Variants in ITPR2 observed in about 807,000 individuals in gnomAD.
The protein encoded by ITPR2 is inositol 1,4,5-trisphosphate-gated calcium channel ITPR2.
Under a neutral mutation model 317.1 loss-of-function variants are expected in ITPR2, and 207 were observed. The ratio of observed to expected loss-of-function variants is 0.65; its 90% CI spans 0.58 to 0.73. The LOEUF (loss-of-function observed/expected upper bound fraction) is 0.73. ITPR2 is among the 30% of genes least tolerant of loss of function. The probability of loss-of-function intolerance (pLI) is 0.00; values close to 1 mark genes in which losing one functional copy is unlikely to be tolerated. For missense variants in ITPR2, 2,613 were observed against 3,284.0 expected, an observed-to-expected ratio of 0.80 and a Z score of 4.99; for synonymous variants, 1,156 against 1,149.1, an observed-to-expected ratio of 1.01 and a Z score of -0.12.
chr12:26,475,805 T>C (rs1469598744), intron 44 of ITPR2, among the ~76,000 whole-genome samples: 1 of 152,062 alleles, frequency 6.6e-6, no homozygotes, highest in Non-Finnish European at 1.5e-5. Flanking sequence ...GAACTTACTC[T>C]CCAGTGGGAG....
rs143524184 is a variant in ITPR2 at position 26,522,252 on chromosome 12, T to TAC, written c.5074-26994_5074-26993dup. 6.6e-3 allele frequency among the ~76,000 whole-genome samples: 1,008 copies of TAC among 152,156 alleles called. 7 individuals carry two copies. The highest frequency in any genetic ancestry group is 0.027 in the Middle Eastern group (8 of 292). ...TATTATATAGTGTTCATCCTGTTTATACACACACACACATCAGAAGTACAG... is the reference window on the plus strand; with the variant it reads ...TATTATATAGTGTTCATCCTGTTTATACACACACACACACATCAGAAGTACAG... On this transcript the variant is annotated intron_variant, in intron 37 of 56. Coordinates refer to ENST00000381340, the MANE Select transcript of ITPR2 (RefSeq NM_002223.4).
intron 2 of ITPR2, among the ~76,000 whole-genome samples, chr12:26,767,937 G>A (rs1367677243): frequency 1.3e-5 from 2 of 152,144 alleles, no homozygotes; most frequent in Non-Finnish European, 2.9e-5. Flanking sequence ...TACAATGTGG[G>A]TCCTCAGAAA....
At chr12:26,565,178 G>T (rs1410399289) in intron 34 of ITPR2, among the ~76,000 whole-genome samples, 1 of 152,022 alleles carries the variant, frequency 6.6e-6, no homozygotes, top group East Asian at 1.9e-4. Context: ...TCTAAAAAAA[G>T]AGCAAATAAT....
At chr12:26,582,947 C>A (rs1461220486) in intron 32 of ITPR2, among the ~76,000 whole-genome samples, 1 of 152,088 alleles carries the variant, frequency 6.6e-6, no homozygotes, top group Non-Finnish European at 1.5e-5. Context: ...CCATCCCCAT[C>A]TCCCTCTCCT....
intron 1 of ITPR2, 45 bp downstream of exon 1, chr12:26,832,645 A>G: frequency 6.9e-7 from 1 of 1,449,040 alleles, no homozygotes; most frequent in Non-Finnish European, 9.5e-7. Context: ...ACTGGTTCCC[A>G]GGACCCGGAG....
In ITPR2 at chr12:26,596,639, T is replaced by A. The variant is rs1298865361; in HGVS notation, c.4254+244A>T. On this transcript the variant is annotated intron_variant, in intron 31 of 56. Transcript: ENST00000381340. ...TCCAGCCTGGGCAACAGAGCAAAAC[T>A]CTGTCTCAAAAAAAAAAAAAAAAAA... is the stretch of plus-strand genomic sequence containing the variant. Among the ~76,000 whole-genome samples the A allele has an allele frequency of 1.2e-4, 15 of 125,884 alleles. No individual in the cohort carries two copies. In the East Asian group the frequency reaches 2.9e-3, roughly 24 times the overall value. The allele number at this position is 125,884 out of a possible 152,430, so 82.6% of individuals were successfully genotyped here. A position where few individuals can be genotyped will look rare whatever the true frequency, so the allele number is the denominator to read the frequency against.
rs552433972 is a variant in ITPR2 at position 26,378,727 on chromosome 12, G to C, written c.7857+8707C>G. ...GCATAGTTCTCCTCAGTAAATACTCGTCAAATTAAATTGAAACATCCTGCA... is the reference window on the plus strand; with the variant it reads ...GCATAGTTCTCCTCAGTAAATACTCCTCAAATTAAATTGAAACATCCTGCA... On this transcript the variant is annotated intron_variant, in intron 55 of 56. Transcript: ENST00000381340. Among the ~76,000 whole-genome samples the C allele has an allele frequency of 5.3e-5, 8 of 152,254 alleles. No homozygotes were observed. In the South Asian group the frequency reaches 1.7e-3, roughly 32 times the overall value.
At chr12:26,468,455 G>A (rs1359692593) in intron 45 of ITPR2, among the ~76,000 whole-genome samples, 1 of 151,814 alleles carries the variant, frequency 6.6e-6, no homozygotes. Flanking sequence ...CTTACATAGT[G>A]GATGTATTAT....
At chr12:26,438,161 A>C (rs1941403838) in intron 47 of ITPR2, among the ~76,000 whole-genome samples, 1 of 152,204 alleles carries the variant, frequency 6.6e-6, no homozygotes, top group African/African-American at 2.4e-5. Flanking sequence ...TATTTTAGAC[A>C]CCCAAAATTT....
At chr12:26,346,036 A>G (rs1388590226) in intron 55 of ITPR2, among the ~76,000 whole-genome samples, 1 of 152,200 alleles carries the variant, frequency 6.6e-6, no homozygotes, top group African/African-American at 2.4e-5. Flanking sequence ...GGGTAGTATA[A>G]AGTCAGGGAA....
intron 41 of ITPR2, among the ~76,000 whole-genome samples, chr12:26,485,403 T>C (rs1942643150): frequency 6.6e-6 from 1 of 152,216 alleles, no homozygotes; most frequent in Non-Finnish European, 1.5e-5. Context: ...ATCTATTTCC[T>C]ACACTGCCAG....
At chr12:26,515,464 T>C (rs879479584) in intron 37 of ITPR2, among the ~76,000 whole-genome samples, 2 of 152,130 alleles carry the variant, frequency 1.3e-5, no homozygotes, top group African/African-American at 4.8e-5. Flanking sequence ...ACTTCCAGCA[T>C]GTGCATGGCT....
intron 55 of ITPR2, among the ~76,000 whole-genome samples, chr12:26,386,726 T>G (rs1939675265): frequency 6.6e-6 from 1 of 152,156 alleles, no homozygotes; most frequent in African/African-American, 2.4e-5. Flanking sequence ...TGCAAACATT[T>G]ATATCAGATG....
Position 26,647,395 on chromosome 12 carries a change from A to G in ITPR2, c.2740+6581T>C, listed in dbSNP as rs546648057. On this transcript the variant is annotated intron_variant, in intron 21 of 56. Transcript: ENST00000381340. Reference sequence around the variant, plus strand: ...ACTATTTAAGTGACTCTCCAGTAGAATAAAATATACCCATGCTGTTGTAAA... The same window carrying G: ...ACTATTTAAGTGACTCTCCAGTAGAGTAAAATATACCCATGCTGTTGTAAA... Among the ~76,000 whole-genome samples, 4 of 152,396 alleles carry G rather than the reference A, an allele frequency of 2.6e-5. No homozygotes were observed. The South Asian group carries it at 8.3e-4, about 32-fold the overall frequency.
chr12:26,489,071 C>T (rs1942737178), intron 39 of ITPR2, among the ~76,000 whole-genome samples: 1 of 152,092 alleles, frequency 6.6e-6, no homozygotes, highest in African/African-American at 2.4e-5. Flanking sequence ...ATAGATAACA[C>T]CTTTTAAGAA....
chr12:26,470,630 A>T (rs1942273244), intron 45 of ITPR2, among the ~76,000 whole-genome samples: 1 of 152,220 alleles, frequency 6.6e-6, no homozygotes, highest in South Asian at 2.1e-4. Flanking sequence ...ATGTTAATTC[A>T]CTCAGCAAAC....
chr12:26,708,864 C>T (rs956173370), intron 9 of ITPR2, among the ~76,000 whole-genome samples: 2 of 152,128 alleles, frequency 1.3e-5, no homozygotes, highest in Admixed American at 1.3e-4. Context: ...AGACATCACA[C>T]GTGCCCCATA....
intron 45 of ITPR2, among the ~76,000 whole-genome samples, chr12:26,460,965 T>A (rs931033953): frequency 6.6e-6 from 1 of 152,208 alleles, no homozygotes; most frequent in Admixed American, 6.5e-5. Flanking sequence ...ACACACCTGG[T>A]TCATACTTGA....
At chr12:26,821,860 A>C (rs1950943855) in intron 1 of ITPR2, among the ~76,000 whole-genome samples, 1 of 152,248 alleles carries the variant, frequency 6.6e-6, no homozygotes, top group Non-Finnish European at 1.5e-5. Flanking sequence ...TGAGTTGGTG[A>C]GTACTCTATT....
Sources: allele counts gnomAD v4.1 joint callset (sites outside exome capture counted in the v4.1 genomes callset), GRCh38; gene constraint gnomAD v4.1.1; transcripts MANE v1.5; gene names NCBI Gene and HGNC (gene_info 2026-07-23, HGNC 2026-07-21).